The following IL1RAPL2 variants were observed in gnomAD, a reference collection of about 807,000 sequenced individuals.
The protein encoded by IL1RAPL2 is interleukin 1 receptor accessory protein like 2, also known as X-linked interleukin-1 receptor accessory protein-like 2.
IL1RAPL2 carries 3 observed loss-of-function variants against 44.1 expected under a neutral mutation model. The observed-to-expected ratio is 0.07, with a 90% CI of 0.03 to 0.18. The LOEUF (loss-of-function observed/expected upper bound fraction) is 0.18. Ranked by LOEUF, IL1RAPL2 falls within the 10% of genes least tolerant of loss-of-function variation. The pLI is 1.00. For missense variants in IL1RAPL2, 391 were observed against 496.4 expected (o/e 0.79, Z 2.02); for synonymous variants, 181 against 178.8 (o/e 1.01, Z -0.10).
At chrX:105,122,670 G>A (rs987646658) in intron 2 of IL1RAPL2, among the ~76,000 whole-genome samples, 3 of 111,674 alleles carry the variant, frequency 2.7e-5, no homozygotes, top group African/African-American at 9.7e-5. Flanking sequence ...AAATCCAGAT[G>A]GAATTTCTTA....
intron 2 of IL1RAPL2, among the ~76,000 whole-genome samples, chrX:105,024,925 AT>A (rs756616918): frequency 3.0e-3 from 301 of 101,401 alleles, no homozygotes; most frequent in African/African-American, 7.9e-3. Flanking sequence ...TTCTTGATTA[AT>A]TTTTTTTTTT....
intron 2 of IL1RAPL2, among the ~76,000 whole-genome samples, chrX:105,189,393 G>T (rs782512589): frequency 9.0e-6 from 1 of 111,281 alleles, no homozygotes; most frequent in East Asian, 2.8e-4. Context: ...GGCATGCCCC[G>T]CTAATTTTTG....
chrX:105,667,039 A>G (rs113821679), intron 6 of IL1RAPL2, among the ~76,000 whole-genome samples: 2,924 of 112,014 alleles, frequency 0.026, 36 homozygotes, highest in Non-Finnish European at 0.044. Context: ...TTCCATAGCA[A>G]TAGTTTCAGG....
At chrX:105,684,115 G>A (rs532659021) in intron 6 of IL1RAPL2, among the ~76,000 whole-genome samples, 6 of 111,794 alleles carry the variant, frequency 5.4e-5, no homozygotes, top group African/African-American at 1.3e-4. Flanking sequence ...CAGCATGATC[G>A]ACACAGAATA....
chrX:104,910,533 G>C (rs1924203329), intron 2 of IL1RAPL2, among the ~76,000 whole-genome samples: 1 of 111,513 alleles, frequency 9.0e-6, no homozygotes, highest in Non-Finnish European at 1.9e-5. Flanking sequence ...CCTGTCCCCT[G>C]ACAGGCACCA....
intron 2 of IL1RAPL2, among the ~76,000 whole-genome samples, chrX:105,118,950 A>G (rs952747312): frequency 8.9e-6 from 1 of 111,910 alleles, no homozygotes; most frequent in Non-Finnish European, 1.9e-5. Context: ...TAGGTAAGTT[A>G]CTGATACAGT....
intron 2 of IL1RAPL2, among the ~76,000 whole-genome samples, chrX:104,823,946 G>A (rs1342923215): frequency 3.6e-5 from 4 of 111,805 alleles, no homozygotes; most frequent in South Asian, 7.5e-4. Context: ...TGGTGAGAGA[G>A]GTCATCCTTT....
intron 6 of IL1RAPL2, among the ~76,000 whole-genome samples, chrX:105,680,862 A>AATC (rs1345233112): frequency 7.1e-5 from 8 of 112,243 alleles, no homozygotes; most frequent in Admixed American, 6.6e-4. Flanking sequence ...AAATTTATTT[A>AATC]ATCAAAATTT....
chrX:104,615,640 A>C (rs985114641), intron 1 of IL1RAPL2, among the ~76,000 whole-genome samples: 2 of 111,571 alleles, frequency 1.8e-5, no homozygotes. Context: ...ATGTGCATTT[A>C]GGTTGATTCC....
chrX:105,733,488 T>C (rs1314686169), intron 7 of IL1RAPL2, among the ~76,000 whole-genome samples: 3 of 111,568 alleles, frequency 2.7e-5, no homozygotes, highest in African/African-American at 9.7e-5. Context: ...CTGGTATTTA[T>C]TATATGCATA....
intron 1 of IL1RAPL2, among the ~76,000 whole-genome samples, chrX:104,611,973 G>A (rs1330348970): frequency 9.0e-6 from 1 of 111,140 alleles, no homozygotes; most frequent in Non-Finnish European, 1.9e-5. Flanking sequence ...ATGTTTCTTG[G>A]CCACTTGTAT....
At chrX:104,753,714 AC>A (rs947485485) in intron 2 of IL1RAPL2, among the ~76,000 whole-genome samples, 1 of 111,618 alleles carries the variant, frequency 9.0e-6, no homozygotes, top group African/African-American at 3.2e-5. Context: ...GTGTTTTGAA[AC>A]CACTATAAAT....
At chrX:105,293,462 G>C (rs1469906907) in intron 5 of IL1RAPL2, among the ~76,000 whole-genome samples, 2 of 111,849 alleles carry the variant, frequency 1.8e-5, no homozygotes, top group Non-Finnish European at 3.8e-5. Flanking sequence ...CTGCCAATTT[G>C]TCCTACAATT....
chrX:105,255,868 G>A (rs1184606442), intron 4 of IL1RAPL2, among the ~76,000 whole-genome samples: 1 of 111,936 alleles, frequency 8.9e-6, no homozygotes, highest in Non-Finnish European at 1.9e-5. Flanking sequence ...ATGAAGGGGT[G>A]TTGAATTTTA....
intron 2 of IL1RAPL2, among the ~76,000 whole-genome samples, chrX:105,180,366 AGAAAAG>A (rs1556130097): frequency 3.6e-5 from 4 of 110,869 alleles, no homozygotes; most frequent in African/African-American, 9.9e-5. Flanking sequence ...CAAAAAAAAA[AGAAAAG>A]AAAAAAAGAA....
At chrX:105,354,652 A>G (rs2035187079) in intron 5 of IL1RAPL2, among the ~76,000 whole-genome samples, 1 of 102,208 alleles carries the variant, frequency 9.8e-6, no homozygotes, top group Non-Finnish European at 1.9e-5. Context: ...AAAGTATAAT[A>G]CAAAAAAAGA....
chrX:105,057,877 G>A (rs961324971), intron 2 of IL1RAPL2, among the ~76,000 whole-genome samples: 2 of 108,644 alleles, frequency 1.8e-5, no homozygotes, highest in Admixed American at 2.0e-4. Context: ...CACCTGCTGG[G>A]TTCAAGGGAT....
chrX:104,761,636 C>T (rs1348229237), intron 2 of IL1RAPL2, among the ~76,000 whole-genome samples: 1 of 111,866 alleles, frequency 8.9e-6, no homozygotes, highest in Non-Finnish European at 1.9e-5. Flanking sequence ...CAAGTCCCTT[C>T]CACCTATGAG....
chrX:105,719,713 A>G (rs1009411880), intron 7 of IL1RAPL2, among the ~76,000 whole-genome samples: 1 of 107,727 alleles, frequency 9.3e-6, no homozygotes, highest in African/African-American at 3.5e-5. Flanking sequence ...ATTATGTGGC[A>G]TATACATTTT....
Sources: allele counts gnomAD v4.1 joint callset (sites outside exome capture counted in the v4.1 genomes callset), GRCh38; gene constraint gnomAD v4.1.1; transcripts MANE v1.5; gene names NCBI Gene and HGNC (gene_info 2026-07-23, HGNC 2026-07-21).